Variants in SNN observed in about 807,000 individuals in gnomAD.
SNN encodes the protein AG8_1.
Under a neutral mutation model 5.3 loss-of-function variants are expected in SNN, and 5 were observed. The ratio of observed to expected loss-of-function variants is 0.94; its 90% confidence interval spans 0.49 to 1.97. The LOEUF (loss-of-function observed/expected upper bound fraction) is 1.97, where lower values mean the gene tolerates loss of function less well. SNN is among the 30% of genes most tolerant of loss of function. SNN has a pLI of 0.01. For synonymous variants in SNN, 67 were observed against 52.1 expected, an observed-to-expected ratio of 1.29 and a Z score of -1.24; for missense variants, 127 against 121.6, an observed-to-expected ratio of 1.04 and a Z score of -0.21.
At chr16:11,675,501 A>G (rs984788050) in intron 1 of SNN, among the ~76,000 whole-genome samples, 1 of 152,142 alleles carries the variant, frequency 6.6e-6, no homozygotes, top group Non-Finnish European at 1.5e-5. Context: ...TCCTGGGCTC[A>G]AGTGATCTGC....
At position 11,676,708 on chromosome 16, in the gene SNN, A is replaced by T. The variant is rs1267713430; in HGVS notation, c.*382A>T. ...TGCTTAAGCCCTTTTGCTGATTTTTAAAAATATCATCTAGCGCACACGGGA... is the reference window on the plus strand; with the variant it reads ...TGCTTAAGCCCTTTTGCTGATTTTTTAAAATATCATCTAGCGCACACGGGA... On this transcript the variant is annotated 3_prime_UTR_variant, in exon 2 of 2. Transcript: ENST00000329565. The T allele has an allele frequency of 8.8e-6, 2 of 226,788 alleles. No homozygotes were observed. Among genetic ancestry groups the T allele is most frequent in the Admixed American group, 5.1e-5 (1 of 19,442 alleles). 14.0% of individuals were successfully genotyped at this position (226,788 alleles called of 1,614,324 possible). A position where few individuals can be genotyped will look rare whatever the true frequency, so the allele number is the denominator to read the frequency against.
At chr16:11,670,412 G>A (rs1319603221) in intron 1 of SNN, among the ~76,000 whole-genome samples, 11 of 152,180 alleles carry the variant, frequency 7.2e-5, no homozygotes, top group Non-Finnish European at 1.6e-4. Context: ...TGGGGAAGGG[G>A]TGTTTGTGGC....
chr16:11,676,273 G>T lies in SNN; in HGVS notation c.214G>T (p.Val72Leu). Reference sequence around the variant, plus strand: ...GCAGTATTCGGCCAAGGGACCGTGCGTGGAGAGAAAGGCCAAGCTGATGAC... The same window carrying T: ...GCAGTATTCGGCCAAGGGACCGTGCTTGGAGAGAAAGGCCAAGCTGATGAC... ...LVQYSAKGPC[V>L]ERKAKLMTPN... The change falls in exon 2 of 2, where the codon GTG becomes TTG. Residue 72 changes from valine (V) to leucine (L), a missense_variant. By Grantham distance (32) the Val-to-Leu change is conservative. Coordinates refer to ENST00000329565, the MANE Select transcript of SNN (RefSeq NM_003498.6). 3.7e-6 allele frequency: 6 copies of T among 1,614,196 alleles called. No homozygotes were observed. Among genetic ancestry groups the T allele is most frequent in the Non-Finnish European group, 2.5e-6 (3 of 1,180,020 alleles).
rs2050275416 is a variant in SNN at position 11,672,947 on chromosome 16, C to T, written c.-85-3028C>T. Among the ~76,000 whole-genome samples, 1 of 152,204 alleles carries T rather than the reference C, an allele frequency of 6.6e-6. No individual in the cohort carries two copies. The highest frequency in any genetic ancestry group is 6.5e-5 in the Admixed American group (1 of 15,280). On this transcript the variant is annotated intron_variant, in intron 1 of 1. Transcript: ENST00000329565. The surrounding 1 kb of genome is among the most constrained non-coding windows in gnomAD (Gnocchi z 6.0). ...CCTGGTGCCATTGTTTGATTTTCTA[C>T]TTCCTGTCCCTGAACCACCCCCACC...
At chr16:11,670,249 G>A (rs1421108626) in intron 1 of SNN, among the ~76,000 whole-genome samples, 1 of 151,990 alleles carries the variant, frequency 6.6e-6, no homozygotes, top group African/African-American at 2.4e-5. Context: ...AGCCCCGTAG[G>A]GATGGCTGGT....
In SNN at chr16:11,676,506, G is replaced by T; in HGVS notation, c.*180G>T. The T allele has an allele frequency of 1.3e-6, 1 of 748,372 alleles. No homozygotes were observed. The allele number at this position is 748,372 out of a possible 1,614,324, so 46.4% of individuals were successfully genotyped here. A position where few individuals can be genotyped will look rare whatever the true frequency, so the allele number is the denominator to read the frequency against. On this transcript the variant is annotated 3_prime_UTR_variant, in exon 2 of 2. Coordinates refer to ENST00000329565, the MANE Select transcript of SNN (RefSeq NM_003498.6). ...ACCTGGCTGTCCTGGGCTTCCCCTCGGCCTCCAGGTGAGGCTGCCCATTGC... is the reference window on the plus strand; with the variant it reads ...ACCTGGCTGTCCTGGGCTTCCCCTCTGCCTCCAGGTGAGGCTGCCCATTGC...
rs2050269769 is a variant in SNN, at chr16:11,672,168, A to C, written c.-86+3628A>C. Among the ~76,000 whole-genome samples, 1 of 152,180 alleles carries C rather than the reference A, an allele frequency of 6.6e-6. No homozygotes were observed. Among genetic ancestry groups the C allele is most frequent in the South Asian group, 2.1e-4 (1 of 4,832 alleles). On this transcript the variant is annotated intron_variant, in intron 1 of 1. Transcript: ENST00000329565. The surrounding 1 kb of genome is among the most constrained non-coding windows in gnomAD (Gnocchi z 6.0). The stretch of plus-strand genomic sequence containing the variant: ...GGAACACTCAACAGACCATTCACTG[A>C]GCACCTACTGTGTACCCGTGCAGGG...
Position 11,672,844 on chromosome 16 carries a change from G to A in SNN, c.-85-3131G>A, listed in dbSNP as rs902580881. On this transcript the variant is annotated intron_variant, in intron 1 of 1. Coordinates refer to ENST00000329565, the MANE Select transcript of SNN (RefSeq NM_003498.6). This position sits in a 1 kb window ranked among gnomAD's most constrained non-coding sequence, Gnocchi z 6.0. ...CCTCAGTTTCCTCATTAGTCCTGGG[G>A]CCAGTGGTTGAACTGGGGCCCTTGA... Among the ~76,000 whole-genome samples, 2 of 152,112 alleles carry A rather than the reference G, an allele frequency of 1.3e-5. No individual in the cohort carries two copies. The highest frequency in any genetic ancestry group is 4.1e-4 in the South Asian group (2 of 4,826).
rs1293889661 is a variant in SNN at position 11,679,056 on chromosome 16, A to G, written c.*2730A>G. The G allele has an allele frequency of 7.5e-6, 7 of 938,262 alleles. No homozygotes were observed. The highest frequency in any genetic ancestry group is 5.0e-5 in the African/African-American group (3 of 59,758). The allele number at this position is 938,262 out of a possible 1,614,324, so 58.1% of individuals were successfully genotyped here. On this transcript the variant is annotated 3_prime_UTR_variant, in exon 2 of 2. Coordinates refer to ENST00000329565, the MANE Select transcript of SNN (RefSeq NM_003498.6). The surrounding 1 kb of genome is among the most constrained non-coding windows in gnomAD (Gnocchi z 4.6). ...GTGGAAGGGATGTCATCCTTCTTCA[A>G]TAAATGCTGAATGACATTCAAGCTG...
rs144859277 is a variant in SNN at position 11,668,865 on chromosome 16, C to T, written c.-86+325C>T. 2.8e-3 allele frequency among the ~76,000 whole-genome samples: 431 copies of T among 152,090 alleles called. 2 individuals carry two copies. Among genetic ancestry groups the T allele is most frequent in the African/African-American group, 9.9e-3 (413 of 41,544 alleles). On this transcript the variant is annotated intron_variant, in intron 1 of 1. Transcript: ENST00000329565. The surrounding 1 kb of genome is among the most constrained non-coding windows in gnomAD (Gnocchi z 6.8). ...CCCCGCCCGTCCTCAGCTACGCTCC[C>T]GCCTTCCCCCGGCATTTCGGGGTTC...
chr16:11,676,108 G>C lies in SNN; in HGVS notation c.49G>C (p.Val17Leu), dbSNP rs8191328. ...CACCACGGGCGTGGTCACAGTCATCGTCATCCTCATTGCCATCGCGGCCCT... is the reference window on the plus strand; with the variant it reads ...CACCACGGGCGTGGTCACAGTCATCCTCATCCTCATTGCCATCGCGGCCCT... ...SPTTGVVTVI[V>L]ILIAIAALGA... The change falls in exon 2 of 2, where the codon GTC (valine) becomes CTC (leucine). Residue 17 changes from valine to leucine, a missense_variant. By Grantham distance (32) the Val-to-Leu change is conservative. Transcript: ENST00000329565. 3 of 1,613,864 alleles carry C rather than the reference G, an allele frequency of 1.9e-6. No homozygotes were observed. The highest frequency in any genetic ancestry group is 2.5e-6 in the Non-Finnish European group (3 of 1,179,934).
intron 1 of SNN, among the ~76,000 whole-genome samples, chr16:11,669,545 A>G (rs1012892208): frequency 2.0e-5 from 3 of 152,232 alleles, no homozygotes; most frequent in Non-Finnish European, 2.9e-5. Context: ...CAATTTCTGT[A>G]TCTGCCAAGA....
Position 11,676,234 on chromosome 16 carries a change from C to T in SNN, c.175C>T (p.Pro59Ser). The change falls in exon 2 of 2, where the codon CCC (proline) becomes TCC (serine). Residue 59 changes from proline (P) to serine (S), a missense_variant. By Grantham distance (74) the Pro-to-Ser change is moderately conservative. Transcript: ENST00000329565. Reference sequence around the variant, plus strand: ...CGTGGGGGATGGGGAGACCAAGGAACCCTTCCTGCTGGTGCAGTATTCGGC... The same window carrying T: ...CGTGGGGGATGGGGAGACCAAGGAATCCTTCCTGCTGGTGCAGTATTCGGC... ...SIVGDGETKE[P>S]FLLVQYSAKG... 1 of 1,614,188 alleles carries T rather than the reference C, an allele frequency of 6.2e-7. No individual in the cohort carries two copies. The highest frequency in any genetic ancestry group is 8.5e-7 in the Non-Finnish European group (1 of 1,180,028).
intron 1 of SNN, among the ~76,000 whole-genome samples, chr16:11,670,576 C>T (rs537310182): frequency 3.9e-5 from 6 of 152,204 alleles, no homozygotes; most frequent in African/African-American, 1.4e-4. Context: ...CTTTTGTTTT[C>T]ACTTTTCTTA....
chr16:11,673,512 C>T (rs533159108), intron 1 of SNN, among the ~76,000 whole-genome samples: 4 of 152,306 alleles, frequency 2.6e-5, no homozygotes, highest in Admixed American at 2.0e-4. Flanking sequence ...GGGCCATCTG[C>T]GTGGTGGGGG....
At chr16:11,673,904 G>A (rs1471119074) in intron 1 of SNN, among the ~76,000 whole-genome samples, 1 of 152,226 alleles carries the variant, frequency 6.6e-6, no homozygotes, top group Non-Finnish European at 1.5e-5. Flanking sequence ...CCTGTCTCCT[G>A]GAGTCAGGGG....
At position 11,676,321 on chromosome 16, in the gene SNN, G is replaced by T; in HGVS notation, c.262G>T (p.Gly88Cys). The change falls in exon 2 of 2, where the codon GGC becomes TGC. Residue 88 changes from glycine to cysteine, a missense_variant. By Grantham distance (159) the Gly-to-Cys change is radical. Transcript: ENST00000329565. ...GACTCCCAACGGCCCGGAAGTCCAC[G>T]GCTGAGCCAGGATGCAAGGCTCCTG... ...LMTPNGPEVHG is the reference protein window; with the variant it reads ...LMTPNGPEVHC The T allele has an allele frequency of 6.2e-7, 1 of 1,611,128 alleles. No individual in the cohort carries two copies.
chr16:11,669,214 A>G (rs2050249778), intron 1 of SNN, among the ~76,000 whole-genome samples: 1 of 152,082 alleles, frequency 6.6e-6, no homozygotes, highest in Admixed American at 6.5e-5. Flanking sequence ...GCAGGGTGGA[A>G]CGGGAGGGTG....
Position 11,678,405 on chromosome 16 carries a change from G to A in SNN, c.*2079G>A, listed in dbSNP as rs1229996125. On this transcript the variant is annotated 3_prime_UTR_variant, in exon 2 of 2. Transcript: ENST00000329565. Reference sequence around the variant, plus strand: ...TGTTTTTCCTTCCTCCACACCTGAGGGACGCAGCAACAGCTAGGATCTGCA... The same window carrying A: ...TGTTTTTCCTTCCTCCACACCTGAGAGACGCAGCAACAGCTAGGATCTGCA... The A allele has an allele frequency of 6.0e-6, 1 of 167,104 alleles. No homozygotes were observed. Among genetic ancestry groups the A allele is most frequent in the African/African-American group, 2.4e-5 (1 of 41,428 alleles). The allele number at this position is 167,104 out of a possible 1,614,324, so 10.4% of individuals were successfully genotyped here.
Sources: allele counts gnomAD v4.1 joint callset (sites outside exome capture counted in the v4.1 genomes callset), GRCh38; gene constraint gnomAD v4.1.1; non-coding constraint Gnocchi (gnomAD v3.1); transcripts MANE v1.5; gene names NCBI Gene and HGNC (gene_info 2026-07-23, HGNC 2026-07-21).